The following CCDC91 variants were observed in gnomAD, a reference collection of about 807,000 sequenced individuals.
CCDC91 encodes the protein coiled-coil domain-containing protein 91.
CCDC91 carries 48 observed loss-of-function variants against 63.2 expected under a neutral mutation model. The observed-to-expected ratio is 0.76, with a 90% confidence interval of 0.60 to 0.97. CCDC91 has a LOEUF of 0.97. CCDC91 is among the 50% of genes least tolerant of loss of function. The probability of loss-of-function intolerance (pLI) is 0.00; values close to 1 mark genes in which losing one functional copy is unlikely to be tolerated. For missense variants in CCDC91, 500 were observed against 494.6 expected (o/e 1.01, Z -0.10); for synonymous variants, 167 against 165.8 (o/e 1.01, Z -0.06).
intron 8 of CCDC91, among the ~76,000 whole-genome samples, chr12:28,440,277 C>A (rs1247310684): frequency 6.6e-6 from 1 of 152,134 alleles, no homozygotes; most frequent in African/African-American, 2.4e-5. Context: ...TTGTTTCTCC[C>A]ATATTGCCTC....
chr12:28,316,842 CT>C (rs986458013), intron 6 of CCDC91, among the ~76,000 whole-genome samples: 1 of 151,822 alleles, frequency 6.6e-6, no homozygotes, highest in Non-Finnish European at 1.5e-5. Context: ...TTGACCCTCT[CT>C]TTCTTCTCTC....
chr12:28,485,510 A>C (rs1218088632), intron 12 of CCDC91, among the ~76,000 whole-genome samples: 2 of 152,064 alleles, frequency 1.3e-5, no homozygotes, highest in African/African-American at 4.8e-5. Flanking sequence ...TGATACAAAG[A>C]AAATCCCCAT....
intron 6 of CCDC91, among the ~76,000 whole-genome samples, chr12:28,322,963 A>AT (rs1053077494): frequency 1.3e-5 from 2 of 151,146 alleles, no homozygotes; most frequent in African/African-American, 2.4e-5. Flanking sequence ...GCTGTTGATC[A>AT]TTTTTCCCCT....
At chr12:28,268,795 C>A in intron 3 of CCDC91, 1 of 422,138 alleles carries the variant, frequency 2.4e-6, no homozygotes, top group Non-Finnish European at 3.2e-6. Context: ...CAATATGAGA[C>A]TAAGAAAAAT....
intron 1 of CCDC91, among the ~76,000 whole-genome samples, chr12:28,205,242 C>CT (rs762473747): frequency 0.038 from 5,553 of 145,780 alleles, 115 homozygotes; most frequent in Non-Finnish European, 0.055. Flanking sequence ...GTGCTTCAGA[C>CT]TTTTTTTTTT....
intron 12 of CCDC91, among the ~76,000 whole-genome samples, chr12:28,500,604 T>G (rs929463896): frequency 6.6e-6 from 1 of 151,738 alleles, no homozygotes. Flanking sequence ...CAGAAGGTAT[T>G]GGCAAATAGC....
chr12:28,412,277 G>C (rs1344676305), intron 8 of CCDC91, among the ~76,000 whole-genome samples: 1 of 152,102 alleles, frequency 6.6e-6, no homozygotes, highest in Non-Finnish European at 1.5e-5. Flanking sequence ...TGAGTTCTTT[G>C]TTATTCTTAA....
chr12:28,486,604 A>G (rs1324684104), intron 12 of CCDC91, among the ~76,000 whole-genome samples: 2 of 152,126 alleles, frequency 1.3e-5, no homozygotes, highest in Non-Finnish European at 2.9e-5. Flanking sequence ...TGTGGCTACC[A>G]TAAGAAGTGC....
At chr12:28,497,689 A>G (rs749081324) in intron 12 of CCDC91, among the ~76,000 whole-genome samples, 24 of 151,594 alleles carry the variant, frequency 1.6e-4, no homozygotes, top group Non-Finnish European at 2.8e-4. Context: ...ATGGTTTTTT[A>G]TTAATTTTTG....
At chr12:28,201,316 C>T (rs9766711) in intron 1 of CCDC91, among the ~76,000 whole-genome samples, 9 of 149,478 alleles carry the variant, frequency 6.0e-5, no homozygotes, top group African/African-American at 1.7e-4. Context: ...TCAGACGGGG[C>T]GGCCGGGCAG....
chr12:28,544,052 C>T (rs1200563084), intron 12 of CCDC91, among the ~76,000 whole-genome samples: 3 of 134,726 alleles, frequency 2.2e-5, no homozygotes, highest in East Asian at 2.1e-4. Context: ...CTGTTTTCCA[C>T]GTAATAATTT....
intron 6 of CCDC91, among the ~76,000 whole-genome samples, chr12:28,308,499 T>C (rs985283972): frequency 3.3e-5 from 5 of 152,072 alleles, no homozygotes; most frequent in African/African-American, 1.2e-4. Context: ...GGGCTTCTTA[T>C]CTTTCCCACA....
chr12:28,445,541 A>G (rs114454091), intron 8 of CCDC91, among the ~76,000 whole-genome samples: 75 of 152,324 alleles, frequency 4.9e-4, no homozygotes, highest in African/African-American at 1.7e-3. Context: ...GGGAAATACA[A>G]GCACTAGGTG....
chr12:28,522,846 A>C (rs1940861204), intron 12 of CCDC91, among the ~76,000 whole-genome samples: 1 of 152,204 alleles, frequency 6.6e-6, no homozygotes, highest in Non-Finnish European at 1.5e-5. Flanking sequence ...GTAGTCATTC[A>C]GGAGCAGGTT....
chr12:28,411,929 C>G (rs1246450012), intron 8 of CCDC91, among the ~76,000 whole-genome samples: 9 of 152,260 alleles, frequency 5.9e-5, no homozygotes, highest in African/African-American at 1.9e-4. Flanking sequence ...ACTCCGATAA[C>G]CCAGACACCT....
intron 3 of CCDC91, 94 bp from the exon 4 acceptor site, chr12:28,305,555 C>G (rs912701566): frequency 1.4e-5 from 15 of 1,071,100 alleles, no homozygotes; most frequent in Middle Eastern, 4.4e-4. Flanking sequence ...TTTTCTTTTC[C>G]TCTATTTCAG....
chr12:28,463,809 G>A (rs1395741013), intron 11 of CCDC91, among the ~76,000 whole-genome samples: 1 of 152,040 alleles, frequency 6.6e-6, no homozygotes, highest in Non-Finnish European at 1.5e-5. Context: ...TTTTGAAGAA[G>A]TATAGCAAGA....
chr12:28,432,832 T>C (rs1232284984), intron 8 of CCDC91, among the ~76,000 whole-genome samples: 1 of 152,130 alleles, frequency 6.6e-6, no homozygotes, highest in Non-Finnish European at 1.5e-5. Flanking sequence ...ATTTTGGTTA[T>C]GCACCAGCAA....
chr12:28,394,413 C>T (rs1209377858), intron 8 of CCDC91, among the ~76,000 whole-genome samples: 1 of 151,808 alleles, frequency 6.6e-6, no homozygotes. Flanking sequence ...TTGCAGTGAC[C>T]CGAGATCATG....
Sources: allele counts gnomAD v4.1 joint callset (sites outside exome capture counted in the v4.1 genomes callset), GRCh38; gene constraint gnomAD v4.1.1; transcripts MANE v1.5; gene names NCBI Gene and HGNC (gene_info 2026-07-23, HGNC 2026-07-21).